The following PCDHGB2 variants were observed in gnomAD, a reference collection of about 807,000 sequenced individuals.
The protein encoded by PCDHGB2 is protocadherin gamma-B2.
Under a neutral mutation model 59.3 loss-of-function variants are expected in PCDHGB2, and 55 were observed. The ratio of observed to expected loss-of-function variants is 0.93; its 90% CI spans 0.75 to 1.16. The LOEUF is 1.16. Ranked by LOEUF, PCDHGB2 falls within the 50% of genes most tolerant of loss-of-function variation. The pLI is 0.00. For synonymous variants in PCDHGB2, 516 were observed against 512.0 expected (o/e 1.01, Z -0.11); for missense variants, 1,228 against 1,198.5 (o/e 1.02, Z -0.36).
intron 1 of PCDHGB2, among the ~76,000 whole-genome samples, chr5:141,451,391 T>C (rs928399948): frequency 6.6e-6 from 1 of 152,162 alleles, no homozygotes; most frequent in Non-Finnish European, 1.5e-5. Context: ...ACATAGTTAA[T>C]GGCAAAATTA....
chr5:141,435,296 T>A (rs545583818), intron 1 of PCDHGB2, among the ~76,000 whole-genome samples: 44 of 152,328 alleles, frequency 2.9e-4, no homozygotes, highest in African/African-American at 9.9e-4. Context: ...AGTCATTTCA[T>A]GGTTTTAAAT....
chr5:141,421,535 G>A, intron 1 of PCDHGB2: 7 of 1,614,032 alleles, frequency 4.3e-6, no homozygotes, highest in East Asian at 2.2e-5. Flanking sequence ...GTGTCCTCCT[G>A]TTTTTTAAAT....
At chr5:141,394,519 C>A (rs1462431722) in intron 1 of PCDHGB2, 1 of 1,614,240 alleles carries the variant, frequency 6.2e-7, no homozygotes, top group South Asian at 1.1e-5. Context: ...GCCCTCCCCA[C>A]AGACGGTTCC....
chr5:141,436,277 T>G (rs2097806022), intron 1 of PCDHGB2, among the ~76,000 whole-genome samples: 1 of 152,194 alleles, frequency 6.6e-6, no homozygotes, highest in Non-Finnish European at 1.5e-5. Flanking sequence ...TAACTTGATT[T>G]AGGAACAAAT....
chr5:141,484,230 G>A (rs1325484143), intron 1 of PCDHGB2, among the ~76,000 whole-genome samples: 2 of 152,174 alleles, frequency 1.3e-5, no homozygotes, highest in Non-Finnish European at 2.9e-5. Flanking sequence ...CAGGTAAAGA[G>A]ATCTGGTCCT....
chr5:141,372,053 C>T, intron 1 of PCDHGB2: 1 of 1,613,498 alleles, frequency 6.2e-7, no homozygotes, highest in Middle Eastern at 1.7e-4. Context: ...TGTTGGTGGA[C>T]GACCGCAACG....
chr5:141,419,121 C>T, intron 1 of PCDHGB2: 5 of 1,613,882 alleles, frequency 3.1e-6, no homozygotes, highest in Non-Finnish European at 3.4e-6. Flanking sequence ...TACAACGTCA[C>T]CATCGCAGCC....
At chr5:141,364,463 GT>G (rs754642507) in intron 1 of PCDHGB2, 9 of 1,614,000 alleles carry the variant, frequency 5.6e-6, no homozygotes, top group Admixed American at 1.7e-5. Flanking sequence ...AGGCTCCTTC[GT>G]CGGCAACATA....
chr5:141,434,714 G>A (rs1333237898), intron 1 of PCDHGB2, among the ~76,000 whole-genome samples: 1 of 151,564 alleles, frequency 6.6e-6, no homozygotes, highest in Non-Finnish European at 1.5e-5. Context: ...GTAAATCTCT[G>A]TTCAGGGCTC....
At chr5:141,459,938 C>T (rs373341229) in intron 1 of PCDHGB2, among the ~76,000 whole-genome samples, 4 of 152,148 alleles carry the variant, frequency 2.6e-5, no homozygotes, top group African/African-American at 4.8e-5. Context: ...TGTAGCTGGG[C>T]GTGATGGCAG....
At chr5:141,422,636 C>T in intron 1 of PCDHGB2, 3 of 1,612,584 alleles carry the variant, frequency 1.9e-6, no homozygotes, top group Non-Finnish European at 2.5e-6. Context: ...CCCAGGGGTG[C>T]CTCCATCTTC....
At chr5:141,376,530 G>T (rs200613052) in intron 1 of PCDHGB2, 35 of 1,613,550 alleles carry the variant, frequency 2.2e-5, no homozygotes, top group Non-Finnish European at 2.8e-5. Flanking sequence ...CCGCCTAAGC[G>T]GGAAGAGTAA....
Position 141,361,069 on chromosome 5 carries a change from G to T in PCDHGB2, c.934G>T (p.Ala312Ser), listed in dbSNP as rs747875757. ...AAAGGATGATTTGGATTTTGAGATT[G>T]CAAGTAGTTACACTCTGAGTATCGA... ...TTKDDLDFEI[A>S]SSYTLSIEAK... is the part of the protein sequence containing the mutation. The change falls in exon 1 of 4, where the codon GCA (alanine) becomes TCA (serine). Residue 312 changes from alanine (A) to serine (S), a missense_variant. Coordinates refer to ENST00000522605, the MANE Select transcript of PCDHGB2 (RefSeq NM_018923.3). The T allele has an allele frequency of 2.5e-6, 4 of 1,613,910 alleles. No individual in the cohort carries two copies. The highest frequency in any genetic ancestry group is 3.4e-6 in the Non-Finnish European group (4 of 1,179,838).
chr5:141,433,289 G>A, intron 1 of PCDHGB2: 1 of 1,130,682 alleles, frequency 8.8e-7, no homozygotes, highest in Non-Finnish European at 1.3e-6. Flanking sequence ...AAACTCCTAG[G>A]CTCAAGCAAT....
chr5:141,384,533 A>C, intron 1 of PCDHGB2: 2 of 1,614,240 alleles, frequency 1.2e-6, no homozygotes. Flanking sequence ...CTCAGCAGCA[A>C]CATGTCACTG....
intron 1 of PCDHGB2, among the ~76,000 whole-genome samples, chr5:141,456,052 C>T (rs2098841739): frequency 1.3e-5 from 2 of 151,970 alleles, no homozygotes; most frequent in South Asian, 4.1e-4. Flanking sequence ...CGCCCACCAC[C>T]ACGTCCGGCT....
chr5:141,415,649 A>G (rs1179309556), intron 1 of PCDHGB2: 1 of 1,597,606 alleles, frequency 6.3e-7, no homozygotes, highest in Non-Finnish European at 8.5e-7. Context: ...GTTAAAAAAA[A>G]AAAGATTGGT....
chr5:141,404,592 C>T, intron 1 of PCDHGB2: 1 of 1,614,048 alleles, frequency 6.2e-7, no homozygotes, highest in African/African-American at 1.3e-5. Flanking sequence ...AGCAATGTGT[C>T]ATTGAGACTG....
chr5:141,477,607 G>A lies in PCDHGB2; in HGVS notation c.2422-17200G>A, dbSNP rs1223703956. ...ATGCTCGGCTTTCTTTCTTTCTCTT[G>A]GAGCAAGGAGCTGAAACCGGGCTAG... is the stretch of plus-strand genomic sequence containing the variant. On this transcript the variant is annotated intron_variant, in intron 1 of 3. Coordinates refer to ENST00000522605, the MANE Select transcript of PCDHGB2 (RefSeq NM_018923.3). The surrounding 1 kb of genome is among the most constrained non-coding windows in gnomAD (Gnocchi z 4.9). 2 of 1,614,028 alleles carry A rather than the reference G, an allele frequency of 1.2e-6. No individual in the cohort carries two copies. The highest frequency in any genetic ancestry group is 3.3e-5 in the Admixed American group (2 of 60,000).
Sources: gnomAD v4.1 joint callset for allele counts (sites outside exome capture counted in the v4.1 genomes callset) on GRCh38, gnomAD v4.1.1 for gene constraint, Gnocchi (gnomAD v3.1) non-coding constraint, MANE v1.5 for transcripts, NCBI Gene and HGNC (gene_info 2026-07-23, HGNC 2026-07-21) for gene names.